The following OTUD5 variants were observed in gnomAD, a reference collection of about 807,000 sequenced individuals.
The protein encoded by OTUD5 is OTU deubiquitinase 5.
In OTUD5, 2 loss-of-function variants were observed where a neutral mutation model predicts 36.3. That is an observed-to-expected ratio of 0.06 (90% CI 0.02 to 0.17). OTUD5 has a LOEUF of 0.17. Ranked by LOEUF, OTUD5 falls within the 10% of genes least tolerant of loss-of-function variation. OTUD5 has a pLI of 1.00. For missense variants in OTUD5, 233 were observed against 512.3 expected, an observed-to-expected ratio of 0.45 and a Z score of 5.26; for synonymous variants, 234 against 214.9, an observed-to-expected ratio of 1.09 and a Z score of -0.78.
At chrX:48,954,759 T>C (rs1421730324) in intron 1 of OTUD5, among the ~76,000 whole-genome samples, 1 of 111,820 alleles carries the variant, frequency 8.9e-6, no homozygotes, top group Non-Finnish European at 1.9e-5. Context: ...AGTTCAAAAC[T>C]TATTATATGA....
chrX:48,957,621 A>G, upstream of OTUD5: 2 of 798,089 alleles, frequency 2.5e-6, no homozygotes, highest in Non-Finnish European at 3.0e-6. Context: ...GCACGCCGGG[A>G]GAGAACCCGG....
chrX:48,955,978 T>C (rs782382898), intron 1 of OTUD5, among the ~76,000 whole-genome samples: 1 of 110,521 alleles, frequency 9.0e-6, no homozygotes, highest in African/African-American at 3.3e-5. Flanking sequence ...CCTCAGTCCA[T>C]AAGCAGGTGG....
intron 5 of OTUD5, 33 bp downstream of exon 5, chrX:48,934,431 C>A: frequency 8.4e-7 from 1 of 1,189,367 alleles, no homozygotes; most frequent in Non-Finnish European, 1.1e-6. Flanking sequence ...CCTCTATATC[C>A]AGCAGCCATT....
intron 2 of OTUD5, among the ~76,000 whole-genome samples, chrX:48,937,172 C>T (rs1481278639): frequency 9.0e-6 from 1 of 111,675 alleles, no homozygotes; most frequent in Non-Finnish European, 1.9e-5. Flanking sequence ...CACTCTCCCC[C>T]GCCCTCCCCA....
chrX:48,948,486 A>G (rs1260683805), intron 1 of OTUD5, among the ~76,000 whole-genome samples: 1 of 112,640 alleles, frequency 8.9e-6, no homozygotes, highest in Admixed American at 9.4e-5. Context: ...CATGGAGGAC[A>G]TACCTTGCAG....
chrX:48,929,495 C>T lies in OTUD5; in HGVS notation c.1060-3445G>A, dbSNP rs955551000. On this transcript the variant is annotated intron_variant, in intron 5 of 8. Transcript: ENST00000376488. ...CAGCACTTTGGGAGGCCGAGGCAGG[C>T]AGATCACCTGAAGTCAGGAGTTCGA... Among the ~76,000 whole-genome samples the T allele has an allele frequency of 2.7e-5, 3 of 109,434 alleles. No individual in the cohort carries two copies. In the South Asian group the frequency reaches 1.2e-3, roughly 42 times the overall value.
Position 48,957,397 on chromosome X carries a change from C to A in OTUD5, c.174G>T (p.Gly58=). 9.1e-7 allele frequency: 1 copy of A among 1,097,924 alleles called. No individual in the cohort carries two copies. The highest frequency in any genetic ancestry group is 1.2e-6 in the Non-Finnish European group (1 of 846,274). The allele number at this position is 1,097,924 out of a possible 1,213,427, so 90.5% of individuals were successfully genotyped here. Residue 58 remains glycine (G), a synonymous_variant, in exon 1 of 9, where the codon GGG becomes GGT. Transcript: ENST00000376488. ...GCGGTGGCGAAGCTCGCGGACGGGC[C>A]CCCACGACGCCGGAGTCACGGTCGC... The part of the protein sequence containing the change: ...GDRDRDSGVV[G]ARPRASPPPQ...
At chrX:48,934,933 C>T in intron 3 of OTUD5, 21 bp downstream of exon 3, 3 of 1,208,216 alleles carry the variant, frequency 2.5e-6, no homozygotes, top group Non-Finnish European at 3.4e-6. Flanking sequence ...GCCCCTTCCC[C>T]AAAGGCCTCC....
chrX:48,957,807 G>A, upstream of OTUD5: 4 of 770,137 alleles, frequency 5.2e-6, no homozygotes, highest in Non-Finnish European at 6.2e-6. Flanking sequence ...CCAAGATGAA[G>A]GCAGTGCGGC....
intron 1 of OTUD5, 85 bp from the exon 2 acceptor site, chrX:48,944,368 G>T: frequency 3.4e-6 from 2 of 588,408 alleles, no homozygotes; most frequent in South Asian, 2.5e-5. Context: ...GAGAGGCCTA[G>T]ATCATTGACA....
In OTUD5 at chrX:48,923,975, G is replaced by T. The variant is rs782800282; in HGVS notation, c.1341C>A (p.Ser447=). The change falls in exon 7 of 9, where the codon TCC becomes TCA. Residue 447 remains serine, a synonymous_variant. Transcript: ENST00000376488. ...SSGLEEWTSR[S]PRQRSSASSP... ...ACGAGGCTGAACTCCGCTGCCGCGG[G>T]GACCGGCTAGTCCACTCCTCCAGGC... The T allele has an allele frequency of 2.5e-6, 3 of 1,207,736 alleles. No individual in the cohort carries two copies. The highest frequency in any genetic ancestry group is 3.4e-6 in the Non-Finnish European group (3 of 893,764).
chrX:48,925,000 C>T (rs1470166596), intron 6 of OTUD5, among the ~76,000 whole-genome samples: 1 of 111,286 alleles, frequency 9.0e-6, no homozygotes, highest in Non-Finnish European at 1.9e-5. Flanking sequence ...CTCCTTCAGC[C>T]GGGTGCGGTG....
chrX:48,931,302 T>C (rs1032190757), intron 5 of OTUD5, among the ~76,000 whole-genome samples: 14 of 112,318 alleles, frequency 1.2e-4, no homozygotes, highest in Non-Finnish European at 2.1e-4. Flanking sequence ...AATGGCACTT[T>C]ACCTCTGTGA....
At chrX:48,956,184 T>C (rs1196730056) in intron 1 of OTUD5, among the ~76,000 whole-genome samples, 3 of 111,935 alleles carry the variant, frequency 2.7e-5, no homozygotes, top group African/African-American at 6.5e-5. Flanking sequence ...AGAAAGGAGA[T>C]AAGTAAAGCT....
At chrX:48,953,864 A>G (rs947066075) in intron 1 of OTUD5, among the ~76,000 whole-genome samples, 2 of 110,922 alleles carry the variant, frequency 1.8e-5, no homozygotes, top group Non-Finnish European at 3.8e-5. Context: ...ATCGCCATCT[A>G]GACTCCCCCT....
intron 6 of OTUD5, among the ~76,000 whole-genome samples, chrX:48,924,709 A>G (rs1365599417): frequency 8.9e-6 from 1 of 111,935 alleles, no homozygotes; most frequent in Non-Finnish European, 1.9e-5. Context: ...CACCTTCTGC[A>G]AGGCTCAAAT....
At chrX:48,923,347 T>G in intron 8 of OTUD5, 52 bp from the exon 9 acceptor site, 1 of 1,002,544 alleles carries the variant, frequency 1.0e-6, no homozygotes, top group Non-Finnish European at 1.4e-6. Context: ...TCAGCCTGCC[T>G]TCTCCTCACC....
Position 48,922,864 on chromosome X carries a change from G to A in OTUD5, c.*310C>T. 2 of 894,123 alleles carry A rather than the reference G, an allele frequency of 2.2e-6. No individual in the cohort carries two copies. The highest frequency in any genetic ancestry group is 5.2e-5 in the Admixed American group (1 of 19,317). 73.7% of individuals were successfully genotyped at this position (894,123 alleles called of 1,213,427 possible). A position where few individuals can be genotyped will look rare whatever the true frequency, so the allele number is the denominator to read the frequency against. ...GGGCTGCCTGGCTGCCAGTTGGTCT[G>A]TCTCTGTGTGCCTCTTGTCTATCTT... On this transcript the variant is annotated 3_prime_UTR_variant, in exon 9 of 9. Coordinates refer to ENST00000376488, the MANE Select transcript of OTUD5 (RefSeq NM_001136157.2).
intron 1 of OTUD5, among the ~76,000 whole-genome samples, chrX:48,949,977 C>T (rs2064105186): frequency 9.1e-6 from 1 of 109,541 alleles, no homozygotes; most frequent in African/African-American, 3.3e-5. Context: ...GGCAAAACCC[C>T]ATCTCTACTA....
Sources: gnomAD v4.1 joint callset for allele counts (sites outside exome capture counted in the v4.1 genomes callset) on GRCh38, gnomAD v4.1.1 for gene constraint, MANE v1.5 for transcripts, NCBI Gene and HGNC (gene_info 2026-07-23, HGNC 2026-07-21) for gene names.